Variants in EML1 observed in about 807,000 individuals in gnomAD.
EML1 encodes the protein echinoderm microtubule-associated protein-like 1.
EML1 carries 27 observed loss-of-function variants against 110.4 expected under a neutral mutation model. That is an observed-to-expected ratio of 0.24 (90% CI 0.18 to 0.34). EML1 has a LOEUF of 0.34. Ranked by LOEUF, EML1 falls within the 10% of genes least tolerant of loss-of-function variation. The pLI, the probability that EML1 is intolerant of heterozygous loss-of-function variation, is 1.00. For missense variants in EML1, 741 were observed against 1,030.9 expected, an observed-to-expected ratio of 0.72 and a Z score of 3.85; for synonymous variants, 344 against 385.8, an observed-to-expected ratio of 0.89 and a Z score of 1.27.
At chr14:99,761,620 T>A (rs981428634) in intron 1 of EML1, among the ~76,000 whole-genome samples, 1 of 152,080 alleles carries the variant, frequency 6.6e-6, no homozygotes, top group African/African-American at 2.4e-5. Context: ...TCCCCTGGGC[T>A]TTTAGGACTG....
At chr14:99,892,233 A>G in intron 5 of EML1, 1 of 983,402 alleles carries the variant, frequency 1.0e-6, no homozygotes, top group Non-Finnish European at 1.2e-6. Flanking sequence ...CTCTCTGAGC[A>G]AAGCTGTTAC....
At chr14:99,933,022 G>A (rs2060401248) in intron 17 of EML1, among the ~76,000 whole-genome samples, 1 of 152,028 alleles carries the variant, frequency 6.6e-6, no homozygotes, top group Admixed American at 6.6e-5. Context: ...GGAGACCATG[G>A]CAGGAGTCGA....
rs182135394 is a variant in EML1 at position 99,896,540 on chromosome 14, A to G, written c.678-605A>G. The stretch of plus-strand genomic sequence containing the variant: ...TTTATTCAGCCTACTTCCTGTTCAT[A>G]TTTTAGAAGATGTAAAGCAATGAAA... On this transcript the variant is annotated intron_variant, in intron 6 of 21. Coordinates refer to ENST00000262233, the MANE Select transcript of EML1 (RefSeq NM_004434.3). Among the ~76,000 whole-genome samples, 24 of 152,298 alleles carry G rather than the reference A, an allele frequency of 1.6e-4. 1 individual carries two copies. In the East Asian group the frequency reaches 2.9e-3, roughly 18 times the overall value.
At chr14:99,836,440 A>T (rs1287144796) in intron 1 of EML1, among the ~76,000 whole-genome samples, 1 of 152,322 alleles carries the variant, frequency 6.6e-6, no homozygotes, top group East Asian at 1.9e-4. Context: ...CTACATAGAC[A>T]TTTATATCAT....
intron 17 of EML1, among the ~76,000 whole-genome samples, chr14:99,929,631 T>G (rs1193514330): frequency 6.6e-6 from 1 of 152,186 alleles, no homozygotes; most frequent in African/African-American, 2.4e-5. Context: ...TACACAAGAT[T>G]TTTCCAGCAT....
At chr14:99,915,128 G>A (rs1005715679) in intron 15 of EML1, 3 of 220,744 alleles carry the variant, frequency 1.4e-5, no homozygotes, top group African/African-American at 7.2e-5. Context: ...TCGTTTGAAA[G>A]TCAGCTGGGC....
intron 1 of EML1, among the ~76,000 whole-genome samples, chr14:99,836,962 G>C (rs1360844591): frequency 1.3e-5 from 2 of 151,262 alleles, no homozygotes; most frequent in Non-Finnish European, 2.9e-5. Flanking sequence ...ACTATTCCCA[G>C]CTCTAGGTGA....
intron 1 of EML1, among the ~76,000 whole-genome samples, chr14:99,833,344 C>G (rs1467962855): frequency 2.6e-5 from 4 of 152,110 alleles, no homozygotes; most frequent in Non-Finnish European, 5.9e-5. Context: ...TTTCTTAACT[C>G]TCTATTCTAT....
intron 14 of EML1, 57 bp downstream of exon 14, chr14:99,914,361 C>A: frequency 1.3e-6 from 2 of 1,581,160 alleles, no homozygotes; most frequent in South Asian, 1.1e-5. Flanking sequence ...ATATCAGACC[C>A]TAATCAAGCA....
intron 1 of EML1, among the ~76,000 whole-genome samples, chr14:99,761,224 G>T (rs1307717111): frequency 2.6e-5 from 4 of 152,168 alleles, no homozygotes; most frequent in Non-Finnish European, 5.9e-5. Flanking sequence ...AACTCAGGCT[G>T]ACTCTGGAGA....
chr14:99,804,210 C>G (rs2057931692), intron 1 of EML1, among the ~76,000 whole-genome samples: 4 of 152,110 alleles, frequency 2.6e-5, no homozygotes, highest in Admixed American at 2.6e-4. Context: ...CAGATTGCAT[C>G]TTGTACTTAA....
upstream of EML1, chr14:99,793,200 G>A (rs2057700074): frequency 2.7e-6 from 1 of 371,576 alleles, no homozygotes; most frequent in Non-Finnish European, 3.7e-6. Context: ...AGAGGCCGCA[G>A]GCGCGGGGAG....
intron 17 of EML1, among the ~76,000 whole-genome samples, chr14:99,933,488 T>C (rs568973417): frequency 2.0e-5 from 3 of 152,294 alleles, no homozygotes; most frequent in African/African-American, 7.2e-5. Context: ...ATGGGGTAGT[T>C]CCTTGAGACC....
In EML1 at chr14:99,914,226, C is replaced by T. The variant is rs773262844; in HGVS notation, c.1542C>T (p.Gly514=). The stretch of plus-strand genomic sequence containing the variant: ...TACGGACAGTGGCCGAGGGGAAAGG[C>T]GATGTGATCTTGATTGGCACAACTC... ...GPIRTVAEGK[G]DVILIGTTRN... is the part of the protein sequence containing the mutation. Residue 514 remains glycine, a synonymous_variant, in exon 14 of 22, where the codon GGC becomes GGT. Transcript: ENST00000262233. 4.3e-6 allele frequency: 7 copies of T among 1,613,760 alleles called. No individual in the cohort carries two copies. Among genetic ancestry groups the T allele is most frequent in the South Asian group, 1.1e-5 (1 of 91,070 alleles).
chr14:99,899,007 G>T (rs554850705), intron 8 of EML1, among the ~76,000 whole-genome samples: 140 of 152,226 alleles, frequency 9.2e-4, no homozygotes, highest in Middle Eastern at 3.4e-3. Flanking sequence ...TTTAACAGTC[G>T]TGACTTTAAC....
Position 99,784,571 on chromosome 14 carries a change from G to A in EML1, c.-27+10558G>A, listed in dbSNP as rs561438983. On this transcript the variant is annotated intron_variant, in intron 1 of 22. Transcript: ENST00000327921. This position sits in a 1 kb window ranked among gnomAD's most constrained non-coding sequence, Gnocchi z 4.5. Reference sequence around the variant, plus strand: ...GTCATATCCATTTGGACTATCAACAGATTATCTGTGGAAGGGTCTGAAGTT... The same window carrying A: ...GTCATATCCATTTGGACTATCAACAAATTATCTGTGGAAGGGTCTGAAGTT... Among the ~76,000 whole-genome samples the A allele has an allele frequency of 6.6e-6, 1 of 152,376 alleles. No homozygotes were observed. Among genetic ancestry groups the A allele is most frequent in the Non-Finnish European group, 1.5e-5 (1 of 68,038 alleles).
intron 1 of EML1, among the ~76,000 whole-genome samples, chr14:99,747,630 A>G (rs540064815): frequency 6.6e-6 from 1 of 152,318 alleles, no homozygotes; most frequent in East Asian, 1.9e-4. Context: ...GCACTGCACC[A>G]GGGCTGGGCT....
At chr14:99,919,425 G>GACACACACACAGACACACAC (rs1555404814) in intron 16 of EML1, among the ~76,000 whole-genome samples, 145 of 97,550 alleles carry the variant, frequency 1.5e-3, no homozygotes, top group Middle Eastern at 0.011. Flanking sequence ...CATGCACACA[G>GACACACACACAGACACACAC]ACACACACAC....
At chr14:99,911,808 AT>A (rs11290079) in intron 13 of EML1, among the ~76,000 whole-genome samples, 1,558 of 152,226 alleles carry the variant, frequency 0.01, 31 homozygotes, top group African/African-American at 0.036. Context: ...GAATATTTTT[AT>A]TCTCAATTTT....
Sources: gnomAD v4.1 joint callset for allele counts (sites outside exome capture counted in the v4.1 genomes callset) on GRCh38, gnomAD v4.1.1 for gene constraint, Gnocchi (gnomAD v3.1) non-coding constraint, MANE v1.5 for transcripts, NCBI Gene and HGNC (gene_info 2026-07-23, HGNC 2026-07-21) for gene names.